SORD: variants seen among roughly 807,000 people sequenced by gnomAD.
SORD encodes the protein sorbitol dehydrogenase.
Under a neutral mutation model 35.6 loss-of-function variants are expected in SORD, and 18 were observed. The observed-to-expected ratio is 0.51, with a 90% CI of 0.35 to 0.75. The LOEUF is 0.75. Ranked by LOEUF, SORD falls within the 30% of genes least tolerant of loss-of-function variation. SORD has a pLI of 0.01. For missense variants in SORD, 250 were observed against 390.2 expected (o/e 0.64, Z 3.03); for synonymous variants, 106 against 152.9 (o/e 0.69, Z 2.26).
intron 4 of SORD, among the ~76,000 whole-genome samples, chr15:45,064,786 C>T (rs1199219676): frequency 6.6e-6 from 1 of 152,184 alleles, no homozygotes; most frequent in African/African-American, 2.4e-5. Flanking sequence ...TGGAACGTGG[C>T]CATGTTAACT....
At chr15:45,033,067 C>G (rs1328855980) in intron 1 of SORD, among the ~76,000 whole-genome samples, 2 of 152,006 alleles carry the variant, frequency 1.3e-5, no homozygotes, top group African/African-American at 4.8e-5. Flanking sequence ...GCACATTGCA[C>G]TCTTTCCACA....
chr15:45,024,363 C>T (rs112478474), intron 1 of SORD, among the ~76,000 whole-genome samples: 9 of 152,214 alleles, frequency 5.9e-5, no homozygotes, highest in African/African-American at 2.2e-4. Flanking sequence ...CCACAGAATG[C>T]AAATAGACTG....
At chr15:45,062,422 TC>T (rs1220966796) in intron 4 of SORD, among the ~76,000 whole-genome samples, 2 of 152,168 alleles carry the variant, frequency 1.3e-5, no homozygotes, top group African/African-American at 2.4e-5. Flanking sequence ...AGTGCCGCTT[TC>T]CCCCTGACCC....
At chr15:45,070,583 T>C (rs1595510406) in intron 7 of SORD, 1 of 152,194 alleles carries the variant, frequency 6.6e-6, no homozygotes, top group African/African-American at 2.4e-5. Context: ...GTGGTCGCCA[T>C]GTGGGAAGGG....
At chr15:45,060,622 A>G (rs1423410874) in intron 3 of SORD, among the ~76,000 whole-genome samples, 1 of 152,242 alleles carries the variant, frequency 6.6e-6, no homozygotes, top group Non-Finnish European at 1.5e-5. Context: ...TTTGCTTTCT[A>G]TCTTCCAAAC....
intron 3 of SORD, 193 bp from the exon 4 acceptor site, chr15:45,060,874 C>G (rs1283631796): frequency 7.7e-7 from 1 of 1,303,558 alleles, no homozygotes; most frequent in Non-Finnish European, 1.0e-6. Context: ...CTAGGACACC[C>G]TGGGTCCCCA....
chr15:45,061,530 C>T (rs1486676025), intron 4 of SORD, among the ~76,000 whole-genome samples: 1 of 152,072 alleles, frequency 6.6e-6, no homozygotes, highest in Non-Finnish European at 1.5e-5. Context: ...TGTGGTTCAT[C>T]CTCTGTTATT....
At chr15:45,047,558 A>G (rs1893063847) in intron 3 of SORD, among the ~76,000 whole-genome samples, 1 of 152,170 alleles carries the variant, frequency 6.6e-6, no homozygotes, top group Non-Finnish European at 1.5e-5. Flanking sequence ...CTTTCCTGGT[A>G]CCTGGCACAC....
intron 1 of SORD, chr15:45,036,237 G>A (rs1892863637): frequency 4.6e-6 from 2 of 433,482 alleles, no homozygotes; most frequent in Non-Finnish European, 9.2e-6. Context: ...TGAAGTCAGT[G>A]AGACCAAGAA....
intron 1 of SORD, among the ~76,000 whole-genome samples, chr15:45,039,586 A>G (rs981853527): frequency 2.0e-5 from 3 of 152,226 alleles, no homozygotes; most frequent in Admixed American, 1.3e-4. Flanking sequence ...TACTGCTACT[A>G]CTACTAGCTG....
At chr15:45,037,383 T>C (rs926446310) in intron 1 of SORD, among the ~76,000 whole-genome samples, 13 of 152,308 alleles carry the variant, frequency 8.5e-5, no homozygotes, top group Non-Finnish European at 1.9e-4. Context: ...TGCCTGACTG[T>C]TGTTCTAAGC....
At chr15:45,058,441 C>T (rs995206287) in intron 3 of SORD, 2 of 151,968 alleles carry the variant, frequency 1.3e-5, no homozygotes, top group Non-Finnish European at 2.9e-5. Context: ...CCACTCTTAA[C>T]TGACCAACAG....
At chr15:45,036,818 AAG>A (rs1210515303) in intron 1 of SORD, among the ~76,000 whole-genome samples, 1 of 152,220 alleles carries the variant, frequency 6.6e-6, no homozygotes. Context: ...GTGGAGATAA[AAG>A]TGAAAGTTCA....
chr15:45,038,204 C>G (rs76673592), intron 1 of SORD, among the ~76,000 whole-genome samples: 2,840 of 145,526 alleles, frequency 0.02, 69 homozygotes, highest in South Asian at 0.1. Flanking sequence ...TCTGATGTAG[C>G]CAGTCTAAAT....
At chr15:45,060,085 A>G (rs1173672684) in intron 3 of SORD, among the ~76,000 whole-genome samples, 1 of 152,192 alleles carries the variant, frequency 6.6e-6, no homozygotes, top group African/African-American at 2.4e-5. Context: ...AAAGAACCAT[A>G]AACAAATACT....
intron 5 of SORD, among the ~76,000 whole-genome samples, chr15:45,067,595 A>G (rs570796820): frequency 6.6e-6 from 1 of 152,298 alleles, no homozygotes; most frequent in South Asian, 2.1e-4. Context: ...TATTAAAACC[A>G]TAGTGTCACA....
At chr15:45,024,110 G>C (rs1053278539) in intron 1 of SORD, among the ~76,000 whole-genome samples, 36 of 152,114 alleles carry the variant, frequency 2.4e-4, no homozygotes, top group African/African-American at 8.5e-4. Flanking sequence ...TCCCTGGCTT[G>C]TGGCACCAAA....
chr15:45,061,885 A>G (rs1490869887), intron 4 of SORD, among the ~76,000 whole-genome samples: 1 of 151,934 alleles, frequency 6.6e-6, no homozygotes, highest in East Asian at 1.9e-4. Context: ...AAAAACAACA[A>G]CAATGACCTC....
intron 3 of SORD, among the ~76,000 whole-genome samples, chr15:45,060,347 A>C (rs770430722): frequency 3.9e-5 from 6 of 152,170 alleles, no homozygotes; most frequent in Non-Finnish European, 8.8e-5. Flanking sequence ...AATTCTTCAT[A>C]ATAAAAAGAT....
Sources: gnomAD v4.1 joint callset for allele counts (sites outside exome capture counted in the v4.1 genomes callset) on GRCh38, gnomAD v4.1.1 for gene constraint, MANE v1.5 for transcripts, NCBI Gene and HGNC (gene_info 2026-07-23, HGNC 2026-07-21) for gene names.